The following HK1 variants were observed in gnomAD, a reference collection of about 807,000 sequenced individuals.
The protein encoded by HK1 is hexokinase-1.
HK1 carries 28 observed loss-of-function variants against 91.6 expected under a neutral mutation model. That is an observed-to-expected ratio of 0.31 (90% CI 0.23 to 0.42). HK1 has a LOEUF of 0.42. Among genes scored for constraint, HK1 ranks in the 10% least tolerant of loss-of-function variants. The pLI is 1.00. For missense variants in HK1, 770 were observed against 1,219.8 expected, an observed-to-expected ratio of 0.63 and a Z score of 5.49; for synonymous variants, 430 against 468.1, an observed-to-expected ratio of 0.92 and a Z score of 1.05.
intron 2 of HK1, 42 bp from the exon 3 acceptor site, chr10:69,359,855 A>C: frequency 6.2e-7 from 1 of 1,604,890 alleles, no homozygotes; most frequent in Admixed American, 1.7e-5. Context: ...GCTTCCCCTT[A>C]ACATTTGAAT....
In HK1 at chr10:69,382,645, C is replaced by A; in HGVS notation, c.1424C>A (p.Ala475Asp). The A allele has an allele frequency of 6.2e-7, 1 of 1,614,204 alleles. No homozygotes were observed. The highest frequency in any genetic ancestry group is 1.1e-5 in the South Asian group (1 of 91,070). The stretch of plus-strand genomic sequence containing the variant: ...CACCGGCAGATAGAGGAGACCCTGG[C>A]TCATTTCCACCTCACCAAGGACATG... ...EQHRQIEETL[A>D]HFHLTKDMLL... Residue 475 changes from alanine (A) to aspartate (D), a missense_variant, in exon 10 of 18, where the codon GCT (alanine) becomes GAT (aspartate). By Grantham distance (126) the Ala-to-Asp change is moderately radical. Coordinates refer to ENST00000359426, the MANE Select transcript of HK1 (RefSeq NM_000188.3).
At position 69,398,731 on chromosome 10, in the gene HK1, A is replaced by G; in HGVS notation, c.2512A>G (p.Met838Val). Residue 838 changes from methionine (M) to valine (V), a missense_variant, in exon 17 of 18, where the codon ATG becomes GTG. Met to Val is a conservative substitution (Grantham distance 21). Coordinates refer to ENST00000359426, the MANE Select transcript of HK1 (RefSeq NM_000188.3). ...RRAAQLCGAG[M>V]AAVVDKIREN... ...GGCCGCACAGCTGTGTGGCGCAGGC[A>G]TGGCTGCGGTTGTGGATAAGATCCG... is the stretch of plus-strand genomic sequence containing the variant. 1 of 1,614,218 alleles carries G rather than the reference A, an allele frequency of 6.2e-7. No individual in the cohort carries two copies. Among genetic ancestry groups the G allele is most frequent in the Non-Finnish European group, 8.5e-7 (1 of 1,180,028 alleles).
At chr10:69,270,351 TG>T (rs199571776) in intron 1 of HK1, among the ~76,000 whole-genome samples, 2,676 of 151,950 alleles carry the variant, frequency 0.018, 82 homozygotes, top group African/African-American at 0.061. Context: ...GAGGCCAAGG[TG>T]GGTAGATCAC....
At chr10:69,310,052 T>A (rs75553049) in intron 5 of HK1, among the ~76,000 whole-genome samples, 32,249 of 88,658 alleles carry the variant, frequency 0.36, 4,977 homozygotes, top group East Asian at 0.69. Context: ...CTCCATCTCA[T>A]AAAAAAAAAA....
intron 5 of HK1, among the ~76,000 whole-genome samples, chr10:69,306,171 A>ATG (rs746657509): frequency 6.6e-6 from 1 of 151,832 alleles, no homozygotes; most frequent in Non-Finnish European, 1.5e-5. Context: ...CCTGGCTAAC[A>ATG]GTGAAACACC....
chr10:69,311,579 G>A (rs1019731463), upstream of HK1, among the ~76,000 whole-genome samples: 5 of 152,190 alleles, frequency 3.3e-5, no homozygotes, highest in African/African-American at 1.2e-4. Context: ...TAAGGAGCTA[G>A]TCTGAAGCCT....
Position 69,369,746 on chromosome 10 carries a change from A to ATT in HK1, c.875+131_875+132dup. 5.2e-5 allele frequency: 47 copies of ATT among 895,948 alleles called. No homozygotes were observed. The highest frequency in any genetic ancestry group is 7.9e-5 in the South Asian group (5 of 62,894). The allele number at this position is 895,948 out of a possible 1,614,324, so 55.5% of individuals were successfully genotyped here. ...GATCACAAACAGAAAAGCCTGTCAC[A>ATT]TTTTTTTTTTGAGGCGGAGTCTTGC... On this transcript the variant is annotated intron_variant, in intron 7 of 17. Transcript: ENST00000359426. This position sits in a 1 kb window ranked among gnomAD's most constrained non-coding sequence, Gnocchi z 4.4.
chr10:69,351,235 C>T (rs934472035), intron 2 of HK1, among the ~76,000 whole-genome samples: 3 of 151,510 alleles, frequency 2.0e-5, no homozygotes, highest in Non-Finnish European at 4.4e-5. Flanking sequence ...AGGCCAGGCA[C>T]GGTGGCTCAC....
At chr10:69,302,436 G>A (rs1490014436) in intron 5 of HK1, among the ~76,000 whole-genome samples, 1 of 146,680 alleles carries the variant, frequency 6.8e-6, no homozygotes, top group Non-Finnish European at 1.5e-5. Flanking sequence ...GTGCAGTGGT[G>A]CGATCTCAGC....
intron 4 of HK1, among the ~76,000 whole-genome samples, chr10:69,368,023 A>G (rs1488443418): frequency 2.0e-5 from 3 of 152,264 alleles, no homozygotes; most frequent in Admixed American, 2.0e-4. Flanking sequence ...CAAATCATGT[A>G]TAGTCCACAT....
chr10:69,275,750 A>G (rs1844405462), intron 1 of HK1, among the ~76,000 whole-genome samples: 2 of 152,164 alleles, frequency 1.3e-5, no homozygotes, highest in South Asian at 4.1e-4. Context: ...TGCTTTATAA[A>G]TATGTTTGCT....
At chr10:69,399,887 G>A (rs1840311233) in intron 17 of HK1, among the ~76,000 whole-genome samples, 2 of 152,062 alleles carry the variant, frequency 1.3e-5, no homozygotes, top group South Asian at 2.1e-4. Context: ...AACCTCACCC[G>A]ACTCAGTGTA....
rs757118929 is a variant in HK1 at position 69,288,763 on chromosome 10, G to A, written c.-122G>A. ...CCCACAATGGGGCAGATCTGCCAGC[G>A]AGAATCGGTAAGCTCTGGTGTTTCT... is the stretch of plus-strand genomic sequence containing the variant. On this transcript the variant is annotated 5_prime_UTR_variant, in exon 3 of 22. Coordinates refer to the HK1 transcript ENST00000360289. 14 of 1,613,608 alleles carry A rather than the reference G, an allele frequency of 8.7e-6. No individual in the cohort carries two copies. Among genetic ancestry groups the A allele is most frequent in the East Asian group, 2.2e-5 (1 of 44,864 alleles).
intron 4 of HK1, chr10:69,300,383 G>T: frequency 1.3e-5 from 7 of 536,532 alleles, no homozygotes; most frequent in African/African-American, 2.0e-5. Context: ...TTTGTTTTTT[G>T]CTTTTTTTTC....
chr10:69,309,495 TAAAAAA>T (rs1177161842), intron 5 of HK1, among the ~76,000 whole-genome samples: 4 of 46,984 alleles, frequency 8.5e-5, no homozygotes, highest in South Asian at 8.6e-4. Context: ...TTTGTCTCAT[TAAAAAA>T]AAAAAAAAAA....
At position 69,334,492 on chromosome 10, in the gene HK1, T is replaced by G. The variant is rs112906901; in HGVS notation, c.64-9335T>G. On this transcript the variant is annotated intron_variant, in intron 1 of 17. Transcript: ENST00000359426. ...CTGAGGGGAAGGCAGGGGTTAGAAG[T>G]GCCTGGAACTCTGTACCTTAAAGTG... 5.4e-4 allele frequency among the ~76,000 whole-genome samples: 82 copies of G among 152,220 alleles called. 1 individual carries two copies. The highest frequency in any genetic ancestry group is 1.9e-3 in the African/African-American group (79 of 41,536).
chr10:69,276,713 TTTAA>T (rs1193976671), intron 1 of HK1, among the ~76,000 whole-genome samples: 3 of 150,398 alleles, frequency 2.0e-5, no homozygotes, highest in East Asian at 1.9e-4. Context: ...ATTAAAATTA[TTTAA>T]TTATTAATTA....
chr10:69,340,345 G>A (rs1564524887), intron 1 of HK1, among the ~76,000 whole-genome samples: 1 of 152,168 alleles, frequency 6.6e-6, no homozygotes, highest in Admixed American at 6.5e-5. Context: ...TACCTCCTGG[G>A]TTCACGCGAT....
chr10:69,350,587 G>A (rs185992502), intron 2 of HK1, among the ~76,000 whole-genome samples: 252 of 152,008 alleles, frequency 1.7e-3, no homozygotes, highest in African/African-American at 5.7e-3. Context: ...GCTTGAACCC[G>A]GGAGTTGGAG....
Sources: gnomAD v4.1 joint callset for allele counts (sites outside exome capture counted in the v4.1 genomes callset) on GRCh38, gnomAD v4.1.1 for gene constraint, Gnocchi (gnomAD v3.1) non-coding constraint, MANE v1.5 for transcripts, NCBI Gene and HGNC (gene_info 2026-07-23, HGNC 2026-07-21) for gene names.